The following NKAIN3 variants were observed in gnomAD, a reference collection of about 807,000 sequenced individuals.
The protein encoded by NKAIN3 is sodium/potassium-transporting ATPase subunit beta-1-interacting protein 3.
NKAIN3 carries 25 observed loss-of-function variants against 30.2 expected under a neutral mutation model. That is an observed-to-expected ratio of 0.83 (90% CI 0.60 to 1.16). The LOEUF (loss-of-function observed/expected upper bound fraction) is 1.16, where lower values mean the gene tolerates loss of function less well. NKAIN3 is among the 50% of genes most tolerant of loss of function. The pLI, the probability that NKAIN3 is intolerant of heterozygous loss-of-function variation, is 0.00. For synonymous variants in NKAIN3, 91 were observed against 89.6 expected, an observed-to-expected ratio of 1.02 and a Z score of -0.09; for missense variants, 225 against 254.1, an observed-to-expected ratio of 0.89 and a Z score of 0.78.
At chr8:62,443,776 T>C (rs766162255) in intron 1 of NKAIN3, among the ~76,000 whole-genome samples, 1 of 152,098 alleles carries the variant, frequency 6.6e-6, no homozygotes. Context: ...TTCTTTTTGA[T>C]TTTTTCTGCA....
intron 3 of NKAIN3, among the ~76,000 whole-genome samples, chr8:62,706,829 G>T (rs545635800): frequency 3.3e-5 from 5 of 151,910 alleles, no homozygotes; most frequent in African/African-American, 1.2e-4. Flanking sequence ...TTCATCCCTT[G>T]CTCCCCTCCC....
At chr8:62,554,032 GT>G (rs1381214094) in intron 1 of NKAIN3, among the ~76,000 whole-genome samples, 1 of 152,152 alleles carries the variant, frequency 6.6e-6, no homozygotes, top group Non-Finnish European at 1.5e-5. Context: ...GATGACTTGT[GT>G]TAGTAGTTTC....
At chr8:62,933,552 A>G (rs2130874354) in intron 5 of NKAIN3, among the ~76,000 whole-genome samples, 1 of 152,338 alleles carries the variant, frequency 6.6e-6, no homozygotes, top group Admixed American at 6.5e-5. Context: ...CTTTTGGACC[A>G]TGATTTTTTC....
chr8:62,384,686 T>G (rs530373921), intron 1 of NKAIN3, among the ~76,000 whole-genome samples: 39 of 152,272 alleles, frequency 2.6e-4, no homozygotes, highest in African/African-American at 8.9e-4. Context: ...CTTCAGACAC[T>G]TTTCTTGATT....
chr8:62,304,147 G>C (rs1814144766), intron 1 of NKAIN3, among the ~76,000 whole-genome samples: 1 of 150,470 alleles, frequency 6.6e-6, no homozygotes, highest in Non-Finnish European at 1.5e-5. Flanking sequence ...TTGCTGAGAA[G>C]ATATGTGTCT....
chr8:62,486,380 G>T (rs2129601300), intron 1 of NKAIN3, among the ~76,000 whole-genome samples: 1 of 152,078 alleles, frequency 6.6e-6, no homozygotes, highest in South Asian at 2.1e-4. Context: ...TGCATGCTTA[G>T]CTCAGACTCA....
intron 3 of NKAIN3, among the ~76,000 whole-genome samples, chr8:62,676,791 G>C (rs1283851411): frequency 6.8e-6 from 1 of 148,110 alleles, no homozygotes; most frequent in South Asian, 2.1e-4. Flanking sequence ...ATGGCTCACT[G>C]TAGCCTCCGA....
chr8:62,699,987 G>T (rs1814281874), intron 3 of NKAIN3, among the ~76,000 whole-genome samples: 1 of 152,070 alleles, frequency 6.6e-6, no homozygotes, highest in Admixed American at 6.6e-5. Flanking sequence ...AAATCTAGCT[G>T]GATGTGGTAG....
At chr8:62,553,222 G>A (rs1392527742) in intron 1 of NKAIN3, among the ~76,000 whole-genome samples, 3 of 151,988 alleles carry the variant, frequency 2.0e-5, no homozygotes, top group Non-Finnish European at 4.4e-5. Flanking sequence ...TTCAACTCGT[G>A]TCAATACCCA....
chr8:62,536,410 G>T (rs1362133749), intron 1 of NKAIN3, among the ~76,000 whole-genome samples: 2 of 152,078 alleles, frequency 1.3e-5, no homozygotes. Flanking sequence ...TTAGCCATTA[G>T]TTTAACAATA....
intron 1 of NKAIN3, among the ~76,000 whole-genome samples, chr8:62,499,614 T>A (rs764602344): frequency 1.3e-5 from 2 of 152,140 alleles, no homozygotes; most frequent in African/African-American, 2.4e-5. Context: ...CAGCATCATA[T>A]CTCCTAAGGG....
intron 5 of NKAIN3, among the ~76,000 whole-genome samples, chr8:62,937,077 A>G (rs1585596652): frequency 6.6e-6 from 1 of 152,050 alleles, no homozygotes. Flanking sequence ...AGAAATCAAC[A>G]TTCTTTATTT....
intron 6 of NKAIN3, among the ~76,000 whole-genome samples, chr8:62,958,439 C>T (rs750972978): frequency 6.6e-5 from 10 of 152,142 alleles, no homozygotes; most frequent in Middle Eastern, 3.4e-3. Flanking sequence ...GAGTCTCCAC[C>T]GGGATCTACT....
intron 1 of NKAIN3, among the ~76,000 whole-genome samples, chr8:62,392,111 C>A (rs1043354255): frequency 3.3e-5 from 5 of 151,690 alleles, no homozygotes; most frequent in African/African-American, 1.2e-4. Flanking sequence ...ATCAGAGCTG[C>A]CAAATATTTA....
Position 62,665,266 on chromosome 8 carries a change from C to T in NKAIN3, c.273+75472C>T, listed in dbSNP as rs116336888. 6.2e-3 allele frequency among the ~76,000 whole-genome samples: 950 copies of T among 152,222 alleles called. 9 individuals carry two copies. The highest frequency in any genetic ancestry group is 0.021 in the African/African-American group (866 of 41,532). ...TTTAATGTTCTAAGAGACTCTTGGT[C>T]AAATTTCCCTTCTATCAGTCTGAAG... On this transcript the variant is annotated intron_variant, in intron 3 of 6. Transcript: ENST00000623646.
In NKAIN3 at chr8:62,771,660, T is replaced by C. The variant is rs557283968; in HGVS notation, c.471+24531T>C. On this transcript the variant is annotated intron_variant, in intron 4 of 6. Transcript: ENST00000623646. ...TCACATGTATAAAAAAAAAGATCTA[T>C]AGATTCAAGAAACTTGACAAACCTC... Among the ~76,000 whole-genome samples, 700 of 152,180 alleles carry C rather than the reference T, an allele frequency of 4.6e-3. 6 individuals carry two copies. The highest frequency in any genetic ancestry group is 0.016 in the African/African-American group (673 of 41,532).
At chr8:62,641,014 T>G (rs1434791450) in intron 3 of NKAIN3, among the ~76,000 whole-genome samples, 1 of 151,914 alleles carries the variant, frequency 6.6e-6, no homozygotes, top group East Asian at 1.9e-4. Context: ...TTTATTTATT[T>G]TTTTTTTTTA....
rs193081438 is a variant in NKAIN3 at position 62,275,800 on chromosome 8, T to C, written c.54+26673T>C. 3.1e-3 allele frequency among the ~76,000 whole-genome samples: 477 copies of C among 152,324 alleles called. 4 individuals are homozygous for C. Among genetic ancestry groups the C allele is most frequent in the African/African-American group, 0.011 (464 of 41,576 alleles). Reference sequence around the variant, plus strand: ...TGTGAGTCTTTAAATTATTTTGATATTGAAATGGAGATAATATATTGAATA... The same window carrying C: ...TGTGAGTCTTTAAATTATTTTGATACTGAAATGGAGATAATATATTGAATA... On this transcript the variant is annotated intron_variant, in intron 1 of 6. Coordinates refer to ENST00000623646, the MANE Select transcript of NKAIN3 (RefSeq NM_001304533.3).
chr8:62,871,396 C>T (rs1820639497), intron 4 of NKAIN3, among the ~76,000 whole-genome samples: 1 of 98,390 alleles, frequency 1.0e-5, no homozygotes, highest in Admixed American at 9.8e-5. Context: ...GAGCGAGACT[C>T]TGTCTCAAAA....
Sources: allele counts gnomAD v4.1 joint callset (sites outside exome capture counted in the v4.1 genomes callset), GRCh38; gene constraint gnomAD v4.1.1; transcripts MANE v1.5; gene names NCBI Gene and HGNC (gene_info 2026-07-23, HGNC 2026-07-21).